The following DPP10 variants were observed in gnomAD, a reference collection of about 807,000 sequenced individuals.
DPP10 encodes dipeptidyl peptidase like 10, also known as inactive dipeptidyl peptidase 10.
In DPP10, 33 loss-of-function variants were observed where a neutral mutation model predicts 120.9. The ratio of observed to expected loss-of-function variants is 0.27; its 90% CI spans 0.21 to 0.37. The LOEUF is 0.37. Among genes scored for constraint, DPP10 ranks in the 10% least tolerant of loss-of-function variants. The pLI, the probability that DPP10 is intolerant of heterozygous loss-of-function variation, is 1.00. For synonymous variants in DPP10, 337 were observed against 326.1 expected (o/e 1.03, Z -0.36); for missense variants, 816 against 942.8 (o/e 0.87, Z 1.76).
intron 1 of DPP10, among the ~76,000 whole-genome samples, chr2:114,879,856 C>A (rs1691465577): frequency 6.6e-6 from 1 of 152,104 alleles, no homozygotes; most frequent in African/African-American, 2.4e-5. Flanking sequence ...TCCCTCAAGG[C>A]TGGATTAAAT....
At chr2:115,202,504 C>T (rs1483241291) in intron 1 of DPP10, among the ~76,000 whole-genome samples, 1 of 152,128 alleles carries the variant, frequency 6.6e-6, no homozygotes, top group Non-Finnish European at 1.5e-5. Flanking sequence ...TAAATACTTC[C>T]AGTGGACCTA....
chr2:115,388,231 T>G (rs1481497300), intron 3 of DPP10, among the ~76,000 whole-genome samples: 1 of 152,194 alleles, frequency 6.6e-6, no homozygotes, highest in Non-Finnish European at 1.5e-5. Context: ...TTGAGTAAAC[T>G]AGAAGGGTAT....
intron 1 of DPP10, among the ~76,000 whole-genome samples, chr2:114,777,113 C>G (rs760402222): frequency 8.6e-5 from 13 of 152,006 alleles, no homozygotes; most frequent in South Asian, 2.1e-4. Flanking sequence ...GACTTTTATT[C>G]AGAAGTAAAT....
chr2:114,729,831 C>A (rs529831584), intron 1 of DPP10, among the ~76,000 whole-genome samples: 8 of 152,148 alleles, frequency 5.3e-5, no homozygotes, highest in Non-Finnish European at 1.0e-4. Context: ...TAGCCTCAGT[C>A]ATATTGAACA....
chr2:115,045,331 T>G (rs1266193946), intron 1 of DPP10, among the ~76,000 whole-genome samples: 2 of 152,222 alleles, frequency 1.3e-5, no homozygotes, highest in East Asian at 3.8e-4. Context: ...TTTCTCTTGC[T>G]ACTTTTAAGG....
At chr2:115,386,931 A>G (rs1444195898) in intron 3 of DPP10, among the ~76,000 whole-genome samples, 6 of 152,098 alleles carry the variant, frequency 3.9e-5, no homozygotes. Flanking sequence ...AAGAATATTA[A>G]AATATGAAGG....
At chr2:114,480,889 CAAAA>C (rs138654295) in intron 1 of DPP10, among the ~76,000 whole-genome samples, 6,806 of 150,460 alleles carry the variant, frequency 0.045, 511 homozygotes, top group African/African-American at 0.15. Flanking sequence ...CCCCAAAAAA[CAAAA>C]AAAACAAAAA....
intron 1 of DPP10, among the ~76,000 whole-genome samples, chr2:114,720,686 A>G (rs1025492853): frequency 6.6e-5 from 10 of 152,232 alleles, no homozygotes; most frequent in East Asian, 1.9e-4. Context: ...CTTCTGTAGT[A>G]GAAATGACTA....
chr2:115,348,579 A>G (rs1489901854), intron 3 of DPP10, among the ~76,000 whole-genome samples: 4 of 152,008 alleles, frequency 2.6e-5, no homozygotes, highest in African/African-American at 9.7e-5. Flanking sequence ...CACTCTCAGG[A>G]TATTCATTTT....
intron 1 of DPP10, among the ~76,000 whole-genome samples, chr2:114,652,512 A>G (rs1269596834): frequency 6.6e-6 from 1 of 152,188 alleles, no homozygotes; most frequent in East Asian, 1.9e-4. Context: ...CATGTTGATG[A>G]GCAGAGATTG....
intron 1 of DPP10, among the ~76,000 whole-genome samples, chr2:114,546,172 A>G (rs902119412): frequency 6.6e-6 from 1 of 152,094 alleles, no homozygotes; most frequent in Admixed American, 6.5e-5. Context: ...TTAAAAAAAA[A>G]GAGTTGTAAT....
intron 3 of DPP10, among the ~76,000 whole-genome samples, chr2:115,355,521 A>T (rs1227985002): frequency 2.6e-5 from 4 of 152,092 alleles, no homozygotes; most frequent in African/African-American, 7.2e-5. Context: ...GTTCACTCTG[A>T]TGATGGTTTC....
intron 1 of DPP10, among the ~76,000 whole-genome samples, chr2:114,515,628 G>A (rs1684533290): frequency 6.6e-6 from 1 of 152,128 alleles, no homozygotes; most frequent in African/African-American, 2.4e-5. Flanking sequence ...AATGTATTTA[G>A]TTACCACTTG....
intron 3 of DPP10, among the ~76,000 whole-genome samples, chr2:115,475,472 G>A (rs752058112): frequency 9.9e-5 from 15 of 152,206 alleles, no homozygotes; most frequent in Admixed American, 6.5e-5. Context: ...CTGCTGCAGG[G>A]GCAGAGCCCT....
chr2:114,690,665 A>C lies in DPP10; in HGVS notation c.60+247827A>C, dbSNP rs898895481. 1.3e-5 allele frequency among the ~76,000 whole-genome samples: 2 copies of C among 152,230 alleles called. 1 individual carries two copies. Among genetic ancestry groups the C allele is most frequent in the South Asian group, 4.1e-4 (2 of 4,830 alleles). On this transcript the variant is annotated intron_variant, in intron 1 of 25. Coordinates refer to ENST00000410059, the MANE Select transcript of DPP10 (RefSeq NM_020868.6). ...GGGAAAAGCATTAAATCTATAAATT[A>C]CTTTGGGTAGTATGTCCATTTTCAC...
chr2:114,627,633 A>G (rs1424994905), intron 1 of DPP10, among the ~76,000 whole-genome samples: 1 of 152,064 alleles, frequency 6.6e-6, no homozygotes, highest in African/African-American at 2.4e-5. Flanking sequence ...AGGGAGCGGA[A>G]GTAAAAACAG....
intron 1 of DPP10, among the ~76,000 whole-genome samples, chr2:114,991,807 G>T (rs1700768165): frequency 6.6e-6 from 1 of 152,220 alleles, no homozygotes; most frequent in South Asian, 2.1e-4. Context: ...GAGAGGGATT[G>T]TATGGAGGTT....
chr2:114,978,666 T>C (rs1699897688), intron 1 of DPP10, among the ~76,000 whole-genome samples: 1 of 152,118 alleles, frequency 6.6e-6, no homozygotes, highest in South Asian at 2.1e-4. Flanking sequence ...AACTTCCAAG[T>C]CCTGGTTTCA....
chr2:115,768,196 TA>T, intron 12 of DPP10, 100 bp from the exon 13 acceptor site: 1 of 937,318 alleles, frequency 1.1e-6, no homozygotes, highest in Non-Finnish European at 1.6e-6. Flanking sequence ...TAACTAATTA[TA>T]AATCAATATT....
Sources: gnomAD v4.1 joint callset for allele counts (sites outside exome capture counted in the v4.1 genomes callset) on GRCh38, gnomAD v4.1.1 for gene constraint, MANE v1.5 for transcripts, NCBI Gene and HGNC (gene_info 2026-07-23, HGNC 2026-07-21) for gene names.